Variants in MACROH2A2 observed in about 807,000 individuals in gnomAD.
MACROH2A2 encodes core histone macro-H2A.2.
MACROH2A2 carries 6 observed loss-of-function variants against 37.6 expected under a neutral mutation model. That is an observed-to-expected ratio of 0.16 (90% CI 0.09 to 0.32). The LOEUF (loss-of-function observed/expected upper bound fraction) is 0.32, where lower values mean the gene tolerates loss of function less well. MACROH2A2 is among the 10% of genes least tolerant of loss of function. MACROH2A2 has a pLI of 1.00. For missense variants in MACROH2A2, 290 were observed against 485.9 expected, an observed-to-expected ratio of 0.60 and a Z score of 3.79; for synonymous variants, 192 against 202.7, an observed-to-expected ratio of 0.95 and a Z score of 0.45.
intron 3 of MACROH2A2, among the ~76,000 whole-genome samples, chr10:70,090,631 TTC>T (rs1241651003): frequency 2.0e-5 from 3 of 152,236 alleles, no homozygotes; most frequent in South Asian, 2.1e-4. Flanking sequence ...GAATTTTTAT[TTC>T]TGTTTCTTTT....
intron 4 of MACROH2A2, among the ~76,000 whole-genome samples, chr10:70,092,393 A>G (rs1395994432): frequency 6.6e-6 from 1 of 152,118 alleles, no homozygotes; most frequent in East Asian, 1.9e-4. Context: ...TGATGGCACC[A>G]CTGCACTCGA....
chr10:70,081,666 C>T (rs2072177262), intron 2 of MACROH2A2, among the ~76,000 whole-genome samples: 1 of 152,064 alleles, frequency 6.6e-6, no homozygotes, highest in South Asian at 2.1e-4. Context: ...AGGTCAGAAC[C>T]AAACCACAGT....
intron 2 of MACROH2A2, among the ~76,000 whole-genome samples, chr10:70,089,762 T>A (rs4746954): frequency 0.16 from 24,629 of 151,544 alleles, 2,093 homozygotes; most frequent in East Asian, 0.24. Context: ...TTAATTTTTT[T>A]AAATTTTTTT....
intron 6 of MACROH2A2, among the ~76,000 whole-genome samples, chr10:70,096,223 T>C (rs551264958): frequency 5.8e-4 from 89 of 152,326 alleles, no homozygotes; most frequent in African/African-American, 2.0e-3. Context: ...AACTTAGTAT[T>C]GTGAAATCTA....
At chr10:70,085,964 A>G (rs1005258522) in intron 2 of MACROH2A2, among the ~76,000 whole-genome samples, 2 of 152,112 alleles carry the variant, frequency 1.3e-5, no homozygotes, top group Non-Finnish European at 2.9e-5. Context: ...GAAACTATTA[A>G]TGATGATTAA....
intron 1 of MACROH2A2, among the ~76,000 whole-genome samples, chr10:70,064,213 A>G (rs2072066042): frequency 1.3e-5 from 2 of 152,104 alleles, no homozygotes; most frequent in South Asian, 4.2e-4. Context: ...TACTAAAAAT[A>G]CAAAAATTAG....
intron 3 of MACROH2A2, among the ~76,000 whole-genome samples, chr10:70,091,140 A>C (rs375034987): frequency 2.6e-3 from 394 of 152,320 alleles, no homozygotes; most frequent in African/African-American, 9.0e-3. Flanking sequence ...TGCGCTCCCC[A>C]CATGGGAAGC....
intron 7 of MACROH2A2, 64 bp from the exon 8 acceptor site, chr10:70,108,969 G>A: frequency 6.9e-7 from 1 of 1,450,626 alleles, no homozygotes; most frequent in South Asian, 1.2e-5. Flanking sequence ...TACCTGATGA[G>A]GTTAGGCTAT....
chr10:70,107,399 C>T lies in MACROH2A2; in HGVS notation c.779-1634C>T, dbSNP rs868270460. Among the ~76,000 whole-genome samples, 4 of 152,220 alleles carry T rather than the reference C, an allele frequency of 2.6e-5. No homozygotes were observed. The highest frequency in any genetic ancestry group is 2.1e-4 in the South Asian group (1 of 4,830). On this transcript the variant is annotated intron_variant, in intron 7 of 8. Transcript: ENST00000373255. The surrounding 1 kb of genome is among the most constrained non-coding windows in gnomAD (Gnocchi z 4.4). ...ACAGCTCTGGAATACGGCGGACACA[C>T]GTTTCTGTTACAAGTGCTGCCCCTA...
At chr10:70,089,630 G>A (rs2072231909) in intron 2 of MACROH2A2, among the ~76,000 whole-genome samples, 1 of 152,256 alleles carries the variant, frequency 6.6e-6, no homozygotes, top group Non-Finnish European at 1.5e-5. Flanking sequence ...CAAGGAAGAA[G>A]AGGAAGAGGG....
chr10:70,056,935 T>C (rs377302520), intron 1 of MACROH2A2, among the ~76,000 whole-genome samples: 89 of 152,228 alleles, frequency 5.8e-4, no homozygotes, highest in African/African-American at 2.1e-3. Context: ...CAATATAGTA[T>C]TGGAAGATCA....
chr10:70,085,247 G>T (rs1000546441), intron 2 of MACROH2A2, among the ~76,000 whole-genome samples: 1 of 152,156 alleles, frequency 6.6e-6, no homozygotes, highest in Admixed American at 6.5e-5. Context: ...TTTTGATTTG[G>T]GGACTGATTT....
At chr10:70,098,237 T>G (rs1330748680) in intron 6 of MACROH2A2, 1 of 141,814 alleles carries the variant, frequency 7.1e-6, no homozygotes, top group Non-Finnish European at 1.5e-5. Flanking sequence ...GTGCACAGAG[T>G]GAGACCATGT....
rs899661662 is a variant in MACROH2A2 at position 70,064,326 on chromosome 10, C to A, written c.-59-11274C>A. ...CAGAGGTTGCAATGAGCCAAGATTG[C>A]GCCACTGCACTCCAACCTGGGTGAC... On this transcript the variant is annotated intron_variant, in intron 1 of 8. Transcript: ENST00000373255. Among the ~76,000 whole-genome samples the A allele has an allele frequency of 7.9e-5, 12 of 152,058 alleles. No individual in the cohort carries two copies. The South Asian group carries it at 8.3e-4, about 11-fold the overall frequency.
chr10:70,111,424 A>T, intron 8 of MACROH2A2, 94 bp from the exon 9 acceptor site: 2 of 1,118,760 alleles, frequency 1.8e-6, no homozygotes, highest in Non-Finnish European at 2.6e-6. Flanking sequence ...CCCTGCACAC[A>T]GCAAGGCCCC....
At chr10:70,066,432 T>C (rs907816155) in intron 1 of MACROH2A2, among the ~76,000 whole-genome samples, 12 of 152,180 alleles carry the variant, frequency 7.9e-5, no homozygotes, top group South Asian at 2.1e-4. Context: ...GAGGAAGTCA[T>C]AGGGCCAAGG....
At chr10:70,064,747 G>A (rs1188110771) in intron 1 of MACROH2A2, among the ~76,000 whole-genome samples, 1 of 151,908 alleles carries the variant, frequency 6.6e-6, no homozygotes, top group African/African-American at 2.4e-5. Context: ...TTTGCCTCCC[G>A]CCCTGATTCT....
chr10:70,061,856 G>A (rs934183759), intron 1 of MACROH2A2, among the ~76,000 whole-genome samples: 1 of 152,130 alleles, frequency 6.6e-6, no homozygotes, highest in Non-Finnish European at 1.5e-5. Flanking sequence ...AGCCCTTTAC[G>A]TTATAAATTG....
rs1451256206 is a variant in MACROH2A2, at chr10:70,053,710, C to T, written c.-60+710C>T. Among the ~76,000 whole-genome samples the T allele has an allele frequency of 1.3e-5, 2 of 151,698 alleles. No individual in the cohort carries two copies. Among genetic ancestry groups the T allele is most frequent in the African/African-American group, 4.8e-5 (2 of 41,376 alleles). On this transcript the variant is annotated intron_variant, in intron 1 of 8. Coordinates refer to ENST00000373255, the MANE Select transcript of MACROH2A2 (RefSeq NM_018649.3). This position sits in a 1 kb window ranked among gnomAD's most constrained non-coding sequence, Gnocchi z 4.8. ...GGAAGAGGGCGCGAGGCCGGGCACT[C>T]CCCTTCGGTTCCCTTTCCGGGGCGC... is the stretch of plus-strand genomic sequence containing the variant.
Sources: allele counts gnomAD v4.1 joint callset (sites outside exome capture counted in the v4.1 genomes callset), GRCh38; gene constraint gnomAD v4.1.1; non-coding constraint Gnocchi (gnomAD v3.1); transcripts MANE v1.5; gene names NCBI Gene and HGNC (gene_info 2026-07-23, HGNC 2026-07-21).